PTGER4: variants seen among roughly 807,000 people sequenced by gnomAD.
The protein encoded by PTGER4 is prostaglandin E2 receptor EP4 subtype.
In PTGER4, 11 loss-of-function variants were observed where a neutral mutation model predicts 33.2. The ratio of observed to expected loss-of-function variants is 0.33; its 90% confidence interval spans 0.21 to 0.55. The LOEUF (loss-of-function observed/expected upper bound fraction) is 0.55, where lower values mean the gene tolerates loss of function less well. Among genes scored for constraint, PTGER4 ranks in the 20% least tolerant of loss-of-function variants. The pLI, the probability that PTGER4 is intolerant of heterozygous loss-of-function variation, is 0.92. For synonymous variants in PTGER4, 275 were observed against 281.5 expected (o/e 0.98, Z 0.23); for missense variants, 481 against 650.2 (o/e 0.74, Z 2.83).
the PTGER4 span, among the ~76,000 whole-genome samples, chr5:40,744,486 A>G: frequency 2.0e-5 from 1 of 50,082 alleles, no homozygotes; most frequent in Non-Finnish European, 3.4e-5. Flanking sequence ...CACTCTTACC[A>G]GTTTTTTTTT....
the PTGER4 span, among the ~76,000 whole-genome samples, chr5:40,733,015 C>G: frequency 1.3e-5 from 2 of 151,988 alleles, no homozygotes; most frequent in African/African-American, 2.4e-5. Flanking sequence ...GTAGCATGCT[C>G]TTAACACACA....
chr5:40,710,581 A>G, the PTGER4 span, among the ~76,000 whole-genome samples: 9 of 152,348 alleles, frequency 5.9e-5, no homozygotes, highest in East Asian at 1.7e-3. Context: ...TACTGGGTAT[A>G]TAACCAAAGG....
At chr5:40,704,676 A>C in the PTGER4 span, among the ~76,000 whole-genome samples, 1 of 152,228 alleles carries the variant, frequency 6.6e-6, no homozygotes, top group Admixed American at 6.5e-5. Flanking sequence ...ATTCCTATAC[A>C]CCAACAACAA....
the PTGER4 span, among the ~76,000 whole-genome samples, chr5:40,741,714 C>T: frequency 6.6e-6 from 1 of 152,166 alleles, no homozygotes; most frequent in South Asian, 2.1e-4. Flanking sequence ...CTCAGCCACG[C>T]ACGGTAGCTC....
chr5:40,697,292 A>AAG (rs1232997280), downstream of PTGER4, among the ~76,000 whole-genome samples: 1 of 145,160 alleles, frequency 6.9e-6, no homozygotes, highest in Non-Finnish European at 1.5e-5. Flanking sequence ...GAAAGAAAGA[A>AAG]AGAAAAAGAA....
At chr5:40,726,214 T>TTATA in the PTGER4 span, among the ~76,000 whole-genome samples, 23 of 149,284 alleles carry the variant, frequency 1.5e-4, no homozygotes, top group Admixed American at 5.4e-4. Flanking sequence ...CATACATATT[T>TTATA]TATATATATA....
chr5:40,682,090 C>T (rs1741210712), intron 2 of PTGER4, among the ~76,000 whole-genome samples: 1 of 151,948 alleles, frequency 6.6e-6, no homozygotes, highest in South Asian at 2.1e-4. Context: ...TTTATGTTCC[C>T]GGAAGCCTGG....
rs1022318191 is a variant in PTGER4, at chr5:40,691,216, T to G, written c.868-563T>G. Among the ~76,000 whole-genome samples the G allele has an allele frequency of 1.3e-5, 2 of 151,594 alleles. No homozygotes were observed. The highest frequency in any genetic ancestry group is 2.4e-5 in the African/African-American group (1 of 41,232). ...TTGTTTTTTTGAGACGGAGTCTCGC[T>G]CTGTCGCCAGGCTGGAGTGCAGTGG... On this transcript the variant is annotated intron_variant, in intron 2 of 2. Coordinates refer to ENST00000302472, the MANE Select transcript of PTGER4 (RefSeq NM_000958.3). This position sits in a 1 kb window ranked among gnomAD's most constrained non-coding sequence, Gnocchi z 4.2.
the PTGER4 span, among the ~76,000 whole-genome samples, chr5:40,725,739 A>G: frequency 4.6e-3 from 662 of 143,446 alleles, 6 homozygotes; most frequent in African/African-American, 0.016. Context: ...CACCATCCCC[A>G]TTCCCTCATA....
In PTGER4 at chr5:40,693,504, A is replaced by G; in HGVS notation, c.*1126A>G. 2.0e-6 allele frequency: 2 copies of G among 985,932 alleles called. No individual in the cohort carries two copies. Among genetic ancestry groups the G allele is most frequent in the Non-Finnish European group, 2.4e-6 (2 of 829,880 alleles). The allele number at this position is 985,932 out of a possible 1,614,324, so 61.1% of individuals were successfully genotyped here. A position where few individuals can be genotyped will look rare whatever the true frequency, so the allele number is the denominator to read the frequency against. On this transcript the variant is annotated 3_prime_UTR_variant, in exon 3 of 3. Coordinates refer to ENST00000302472, the MANE Select transcript of PTGER4 (RefSeq NM_000958.3). ...AGCCATTCATGTATGTCAGAAGTGCAGAATTGGGGCACTTAATGGTCACCT... is the reference window on the plus strand; with the variant it reads ...AGCCATTCATGTATGTCAGAAGTGCGGAATTGGGGCACTTAATGGTCACCT...
At chr5:40,720,274 C>T in the PTGER4 span, among the ~76,000 whole-genome samples, 1 of 152,182 alleles carries the variant, frequency 6.6e-6, no homozygotes, top group East Asian at 1.9e-4. Flanking sequence ...TGTGGATATC[C>T]AACTGCCTCA....
the PTGER4 span, among the ~76,000 whole-genome samples, chr5:40,722,707 C>T: frequency 1.3e-5 from 2 of 151,860 alleles, no homozygotes; most frequent in East Asian, 3.9e-4. Context: ...CGTCTCCGCC[C>T]GGCCAGCGCC....
chr5:40,712,904 TCTTCTTC>T, the PTGER4 span, among the ~76,000 whole-genome samples: 1 of 152,156 alleles, frequency 6.6e-6, no homozygotes, highest in Admixed American at 6.6e-5. Flanking sequence ...GGGCCACACT[TCTTCTTC>T]CGAAGTAACC....
chr5:40,738,494 C>A, the PTGER4 span, among the ~76,000 whole-genome samples: 19,475 of 82,226 alleles, frequency 0.24, 2,021 homozygotes, highest in East Asian at 0.36. Flanking sequence ...CAATACAATA[C>A]AATACAATAC....
At chr5:40,716,052 G>T in the PTGER4 span, 1 of 1,061,250 alleles carries the variant, frequency 9.4e-7, no homozygotes, top group Non-Finnish European at 1.3e-6. Flanking sequence ...ACAACCAGGC[G>T]TTCTCCTATC....
At chr5:40,700,316 CCAGTACTAACT>C in the PTGER4 span, among the ~76,000 whole-genome samples, 1 of 152,238 alleles carries the variant, frequency 6.6e-6, no homozygotes, top group East Asian at 1.9e-4. Context: ...AGCTGTCAAG[CCAGTACTAACT>C]CAGCAACTCC....
the PTGER4 span, among the ~76,000 whole-genome samples, chr5:40,741,130 G>T: frequency 2.0e-5 from 3 of 152,136 alleles, no homozygotes; most frequent in Non-Finnish European, 4.4e-5. Flanking sequence ...AGTAATTTTT[G>T]ATTAGATGCT....
chr5:40,703,902 C>CAAAA, the PTGER4 span, among the ~76,000 whole-genome samples: 8 of 37,264 alleles, frequency 2.1e-4, 2 homozygotes, highest in African/African-American at 5.9e-4. Context: ...GACGCCGTCT[C>CAAAA]AAAAAAAAAA....
downstream of PTGER4, among the ~76,000 whole-genome samples, chr5:40,694,411 A>G (rs1194277533): frequency 6.7e-6 from 1 of 149,198 alleles, no homozygotes; most frequent in Non-Finnish European, 1.5e-5. Context: ...TATCTGCATT[A>G]GTCAGCTAAG....
Sources: allele counts gnomAD v4.1 joint callset (sites outside exome capture counted in the v4.1 genomes callset), GRCh38; gene constraint gnomAD v4.1.1; non-coding constraint Gnocchi (gnomAD v3.1); transcripts MANE v1.5; gene names NCBI Gene and HGNC (gene_info 2026-07-23, HGNC 2026-07-21).